The following TOM1L1 variants were observed in gnomAD, a reference collection of about 807,000 sequenced individuals.
TOM1L1 encodes TOM1-like protein 1.
TOM1L1 carries 64 observed loss-of-function variants against 63.4 expected under a neutral mutation model. That is an observed-to-expected ratio of 1.01 (90% confidence interval 0.83 to 1.24). The LOEUF is 1.24. Among genes scored for constraint, TOM1L1 ranks in the 50% most tolerant of loss-of-function variants. The pLI is 0.00. For synonymous variants in TOM1L1, 166 were observed against 194.4 expected, an observed-to-expected ratio of 0.85 and a Z score of 1.22; for missense variants, 536 against 567.0, an observed-to-expected ratio of 0.95 and a Z score of 0.55.
chr17:54,925,426 C>T (rs758660414), intron 7 of TOM1L1, among the ~76,000 whole-genome samples: 2 of 152,150 alleles, frequency 1.3e-5, no homozygotes, highest in African/African-American at 4.8e-5. Flanking sequence ...GGGGATCTGG[C>T]GATGTGATCC....
chr17:54,936,545 TG>T (rs1463177297), intron 8 of TOM1L1, 103 bp from the exon 9 acceptor site: 8 of 976,072 alleles, frequency 8.2e-6, no homozygotes, highest in Non-Finnish European at 1.1e-5. Context: ...AGGATGAGGC[TG>T]ATTGTCTTCA....
At chr17:54,955,878 C>A (rs931980961) in intron 14 of TOM1L1, among the ~76,000 whole-genome samples, 9 of 152,180 alleles carry the variant, frequency 5.9e-5, no homozygotes, top group Non-Finnish European at 1.0e-4. Flanking sequence ...CTTCTACTCT[C>A]CCAGAGAGGT....
intron 2 of TOM1L1, among the ~76,000 whole-genome samples, chr17:54,905,009 C>T (rs983749607): frequency 3.9e-5 from 6 of 151,996 alleles, no homozygotes; most frequent in African/African-American, 1.5e-4. Flanking sequence ...AAATTTGGAC[C>T]CTTATAAACA....
At chr17:54,901,890 C>G (rs1196362930) in intron 1 of TOM1L1, among the ~76,000 whole-genome samples, 1 of 152,048 alleles carries the variant, frequency 6.6e-6, no homozygotes, top group Non-Finnish European at 1.5e-5. Flanking sequence ...GATGCTTTCC[C>G]TTAATGGCTG....
At chr17:54,958,748 A>AAAGGGG (rs372776781) in intron 14 of TOM1L1, among the ~76,000 whole-genome samples, 3 of 118,956 alleles carry the variant, frequency 2.5e-5, no homozygotes, top group South Asian at 5.2e-4. Context: ...AAAAAAAAAA[A>AAAGGGG]GGGGTTGTTG....
intron 14 of TOM1L1, among the ~76,000 whole-genome samples, chr17:54,958,774 T>G (rs974752403): frequency 3.5e-5 from 5 of 142,596 alleles, no homozygotes; most frequent in African/African-American, 1.3e-4. Flanking sequence ...TAGAGGATAC[T>G]AAGGCATTTA....
chr17:54,916,729 G>T (rs2048595907), intron 7 of TOM1L1: 1 of 151,780 alleles, frequency 6.6e-6, no homozygotes, highest in Non-Finnish European at 1.5e-5. Flanking sequence ...TTCTTATTTG[G>T]GAAACAAAAA....
intron 14 of TOM1L1, among the ~76,000 whole-genome samples, chr17:54,960,205 A>G (rs1440884912): frequency 6.6e-6 from 1 of 152,062 alleles, no homozygotes; most frequent in Non-Finnish European, 1.5e-5. Context: ...TCTACTTAAA[A>G]TACAAAAAAA....
chr17:54,914,657 A>C lies in TOM1L1; in HGVS notation c.517A>C (p.Asn173His). 1 of 1,613,746 alleles carries C rather than the reference A, an allele frequency of 6.2e-7. No individual in the cohort carries two copies. Among genetic ancestry groups the C allele is most frequent in the East Asian group, 2.2e-5 (1 of 44,874 alleles). ...ARQETAQISS[N>H]PPTSVPTAPA... ...CTCATAGACTGCTCAAATCTCATCA[A>C]ATCCTCCAACATCTGTCCCTACTGC... Residue 173 changes from asparagine to histidine, a missense_variant, in exon 6 of 16, where the codon AAT becomes CAT. Asn to His is a moderately conservative substitution (Grantham distance 68). Coordinates refer to ENST00000575882, the MANE Select transcript of TOM1L1 (RefSeq NM_005486.3).
At chr17:54,950,377 A>G (rs896942289) in intron 14 of TOM1L1, among the ~76,000 whole-genome samples, 4 of 151,908 alleles carry the variant, frequency 2.6e-5, no homozygotes, top group Non-Finnish European at 5.9e-5. Flanking sequence ...TGCTTAATGG[A>G]CTCCTCATAG....
intron 3 of TOM1L1, among the ~76,000 whole-genome samples, chr17:54,909,517 C>T (rs2048464463): frequency 1.3e-5 from 2 of 152,200 alleles, no homozygotes; most frequent in African/African-American, 4.8e-5. Flanking sequence ...TCTTAAAATA[C>T]TTAGATCAGC....
At chr17:54,944,543 C>T (rs866850661) in intron 11 of TOM1L1, among the ~76,000 whole-genome samples, 1 of 152,042 alleles carries the variant, frequency 6.6e-6, no homozygotes, top group Admixed American at 6.5e-5. Flanking sequence ...GTATAATTTC[C>T]CTTCTCTCTG....
chr17:54,951,856 T>A (rs1598061269), intron 14 of TOM1L1: 1 of 152,290 alleles, frequency 6.6e-6, no homozygotes, highest in East Asian at 1.9e-4. Context: ...CCAGGGTTCA[T>A]TCACCTGGAT....
At chr17:54,903,581 A>G (rs762568998) in intron 1 of TOM1L1, 127 bp from the exon 2 acceptor site, 272 of 811,674 alleles carry the variant, frequency 3.4e-4, no homozygotes, top group Non-Finnish European at 4.9e-4. Flanking sequence ...TTCCAAAAAA[A>G]ATCACTTTGC....
At chr17:54,955,532 AG>A (rs1388516535) in intron 14 of TOM1L1, among the ~76,000 whole-genome samples, 1 of 152,150 alleles carries the variant, frequency 6.6e-6, no homozygotes, top group African/African-American at 2.4e-5. Context: ...CCACAGACTA[AG>A]GGTAGAAGAA....
At chr17:54,949,979 G>T (rs1567841573) in intron 13 of TOM1L1, 66 bp from the exon 14 acceptor site, 10 of 1,253,900 alleles carry the variant, frequency 8.0e-6, no homozygotes, top group South Asian at 1.3e-5. Flanking sequence ...ATTATAAAAA[G>T]AATATCAATT....
At chr17:54,927,038 G>A (rs956083765) in intron 7 of TOM1L1, among the ~76,000 whole-genome samples, 14 of 152,224 alleles carry the variant, frequency 9.2e-5, no homozygotes, top group African/African-American at 3.4e-4. Context: ...GAGTTGGAAG[G>A]ACTTTAATAT....
chr17:54,956,032 G>T (rs1209725858), intron 14 of TOM1L1, among the ~76,000 whole-genome samples: 3 of 152,168 alleles, frequency 2.0e-5, no homozygotes, highest in African/African-American at 7.2e-5. Context: ...AGCCTATAAG[G>T]GAGGTCAAGT....
Position 54,900,927 on chromosome 17 carries a change from A to G in TOM1L1, c.58+4A>G. The G allele has an allele frequency of 1.2e-6, 2 of 1,613,926 alleles. No homozygotes were observed. Among genetic ancestry groups the G allele is most frequent in the Non-Finnish European group, 1.7e-6 (2 of 1,180,024 alleles). On this transcript the variant is annotated splice_donor_region_variant and intron_variant, in intron 1 of 15. Transcript: ENST00000575882. ...ACCTCCGTGGGCCACCTCATAGGTAAGGAGGCGCGGGGAGAGACGCCCAGG... is the reference window on the plus strand; with the variant it reads ...ACCTCCGTGGGCCACCTCATAGGTAGGGAGGCGCGGGGAGAGACGCCCAGG...
Sources: allele counts gnomAD v4.1 joint callset (sites outside exome capture counted in the v4.1 genomes callset), GRCh38; gene constraint gnomAD v4.1.1; transcripts MANE v1.5; gene names NCBI Gene and HGNC (gene_info 2026-07-23, HGNC 2026-07-21).